KRABD5: variants seen among roughly 807,000 people sequenced by gnomAD.
The protein encoded by KRABD5 is KRAB domain-containing protein 5.
At chr16:31,719,180 G>C in the KRABD5 span, among the ~76,000 whole-genome samples, 2 of 152,294 alleles carry the variant, frequency 1.3e-5, no homozygotes, top group African/African-American at 4.8e-5. Flanking sequence ...CATGTGATCC[G>C]GTGCAAGCAC....
the KRABD5 span, among the ~76,000 whole-genome samples, chr16:31,721,021 A>G: frequency 6.6e-6 from 1 of 152,228 alleles, no homozygotes; most frequent in African/African-American, 2.4e-5. Flanking sequence ...AGATAACAAC[A>G]ATTAACATAT....
the KRABD5 span, among the ~76,000 whole-genome samples, chr16:31,728,747 G>A: frequency 1.3e-5 from 2 of 152,136 alleles, no homozygotes; most frequent in Non-Finnish European, 2.9e-5. Context: ...AATATTTCAT[G>A]TATTCTTAGA....
At chr16:31,754,238 T>C in the KRABD5 span, 1 of 650,060 alleles carries the variant, frequency 1.5e-6, no homozygotes, top group Non-Finnish European at 2.7e-6. Flanking sequence ...TTTCTAAATA[T>C]GATCAATTTG....
At chr16:31,758,826 A>G in the KRABD5 span, 1 of 152,068 alleles carries the variant, frequency 6.6e-6, no homozygotes, top group Non-Finnish European at 1.5e-5. Context: ...AGTATCTACC[A>G]TCTAATATTT....
At chr16:31,736,595 G>A in the KRABD5 span, among the ~76,000 whole-genome samples, 1 of 146,908 alleles carries the variant, frequency 6.8e-6, no homozygotes, top group Non-Finnish European at 1.5e-5. Flanking sequence ...TTGGCTTACT[G>A]CAACCTCCGC....
the KRABD5 span, chr16:31,713,477 G>A: frequency 1.3e-6 from 2 of 1,587,290 alleles, no homozygotes; most frequent in East Asian, 2.3e-5. Context: ...AGGGAGAGGG[G>A]CGGTCGGAAG....
At chr16:31,720,604 C>T in the KRABD5 span, among the ~76,000 whole-genome samples, 1 of 152,156 alleles carries the variant, frequency 6.6e-6, no homozygotes, top group African/African-American at 2.4e-5. Context: ...CTATGATTTA[C>T]TTTTTTCCCC....
chr16:31,754,336 A>G, the KRABD5 span: 1 of 612,978 alleles, frequency 1.6e-6, no homozygotes, highest in Non-Finnish European at 2.9e-6. Context: ...TTCATTCATC[A>G]TTGCTTAATC....
chr16:31,736,469 G>A, the KRABD5 span, among the ~76,000 whole-genome samples: 12 of 143,726 alleles, frequency 8.3e-5, no homozygotes, highest in South Asian at 1.3e-3. Flanking sequence ...TAGAAATTGC[G>A]TTAAATCTAT....
At chr16:31,738,196 GACT>G in the KRABD5 span, among the ~76,000 whole-genome samples, 3 of 152,060 alleles carry the variant, frequency 2.0e-5, no homozygotes, top group African/African-American at 7.2e-5. Flanking sequence ...TTCTGTATAT[GACT>G]ATTAGGTCTA....
the KRABD5 span, among the ~76,000 whole-genome samples, chr16:31,742,446 A>T: frequency 6.6e-6 from 1 of 152,290 alleles, no homozygotes; most frequent in South Asian, 2.1e-4. Context: ...TTTGCTGAGG[A>T]TGATGACTTC....
At chr16:31,721,381 C>CT in the KRABD5 span, among the ~76,000 whole-genome samples, 2 of 151,916 alleles carry the variant, frequency 1.3e-5, no homozygotes, top group Non-Finnish European at 2.9e-5. Flanking sequence ...TCTGAACATT[C>CT]TTTTTTACTT....
chr16:31,730,242 G>T, the KRABD5 span, among the ~76,000 whole-genome samples: 3 of 149,102 alleles, frequency 2.0e-5, no homozygotes, highest in East Asian at 1.9e-4. Flanking sequence ...TTTTTTTGGT[G>T]GGGGGGTCTT....
chr16:31,747,903 T>G, the KRABD5 span, among the ~76,000 whole-genome samples: 4 of 152,216 alleles, frequency 2.6e-5, no homozygotes, highest in Admixed American at 6.5e-5. Flanking sequence ...CTTTGTCAGA[T>G]GAGTAGATTG....
the KRABD5 span, among the ~76,000 whole-genome samples, chr16:31,726,795 A>G: frequency 6.6e-6 from 1 of 152,288 alleles, no homozygotes; most frequent in Admixed American, 6.5e-5. Context: ...TAAATTTTAG[A>G]ATTTATTTCT....
the KRABD5 span, among the ~76,000 whole-genome samples, chr16:31,749,895 C>T: frequency 2.8e-4 from 42 of 152,226 alleles, no homozygotes; most frequent in African/African-American, 9.9e-4. Flanking sequence ...TGGCCCCGCC[C>T]CTGTGTGTAT....
the KRABD5 span, among the ~76,000 whole-genome samples, chr16:31,722,038 C>T: frequency 1.3e-5 from 2 of 151,892 alleles, no homozygotes; most frequent in Non-Finnish European, 2.9e-5. Context: ...AAAATGTATA[C>T]TCCTATGTTG....
chr16:31,714,510 G>C, the KRABD5 span: 1 of 439,088 alleles, frequency 2.3e-6, no homozygotes, highest in Non-Finnish European at 4.6e-6. Context: ...TTTAGAGCTC[G>C]CTAGATGCTT....
chr16:31,730,511 A>G, the KRABD5 span, among the ~76,000 whole-genome samples: 1 of 152,144 alleles, frequency 6.6e-6, no homozygotes, highest in African/African-American at 2.4e-5. Context: ...TGACAGTTTA[A>G]TTATGATATG....
Sources: allele counts gnomAD v4.1 joint callset (sites outside exome capture counted in the v4.1 genomes callset), GRCh38; gene constraint gnomAD v4.1.1; transcripts MANE v1.5; gene names NCBI Gene and HGNC (gene_info 2026-07-23, HGNC 2026-07-21).